The following DST variants were observed in gnomAD, a reference collection of about 807,000 sequenced individuals.
DST encodes dystonin.
DST carries 253 observed loss-of-function variants against 875.2 expected under a neutral mutation model. The observed-to-expected ratio is 0.29, with a 90% CI of 0.26 to 0.32. The LOEUF (loss-of-function observed/expected upper bound fraction) is 0.32, where lower values mean the gene tolerates loss of function less well. DST is among the 10% of genes least tolerant of loss of function. The pLI, the probability that DST is intolerant of heterozygous loss-of-function variation, is 1.00. For missense variants in DST, 8,287 were observed against 9,111.6 expected, an observed-to-expected ratio of 0.91 and a Z score of 3.68; for synonymous variants, 3,124 against 3,197.1, an observed-to-expected ratio of 0.98 and a Z score of 0.77.
intron 2 of DST, among the ~76,000 whole-genome samples, chr6:56,915,243 T>C (rs889172483): frequency 6.6e-6 from 1 of 152,194 alleles, no homozygotes; most frequent in East Asian, 1.9e-4. Flanking sequence ...AAAATATGTA[T>C]ATCTAAGATA....
chr6:56,872,950 A>G (rs1295895962), intron 3 of DST, among the ~76,000 whole-genome samples: 1 of 150,188 alleles, frequency 6.7e-6, no homozygotes, highest in African/African-American at 2.4e-5. Flanking sequence ...CAATGGCTGT[A>G]CTAAACTTAC....
intron 4 of DST, among the ~76,000 whole-genome samples, chr6:56,840,804 C>T (rs573719086): frequency 6.6e-6 from 1 of 152,296 alleles, no homozygotes; most frequent in African/African-American, 2.4e-5. Context: ...TAATTCCTAA[C>T]ATTATAGATT....
intron 3 of DST, among the ~76,000 whole-genome samples, chr6:56,859,830 T>A (rs913302894): frequency 6.6e-6 from 1 of 152,166 alleles, no homozygotes; most frequent in Admixed American, 6.5e-5. Flanking sequence ...TGGAATAGTA[T>A]AAATACATAC....
intron 2 of DST, among the ~76,000 whole-genome samples, chr6:56,951,448 C>A (rs1044790739): frequency 1.3e-5 from 2 of 152,148 alleles, no homozygotes; most frequent in African/African-American, 2.4e-5. Flanking sequence ...ATTCATTATG[C>A]TACACAAATT....
At chr6:56,953,987 C>G (rs1823838675) in intron 1 of DST, among the ~76,000 whole-genome samples, 168 bp from the exon 2 acceptor site, 1 of 152,152 alleles carries the variant, frequency 6.6e-6, no homozygotes, top group Non-Finnish European at 1.5e-5. Flanking sequence ...CCATCGGTCT[C>G]TACGTGATTT....
intron 36 of DST, chr6:56,615,216 T>A (rs1223358904): frequency 1.7e-6 from 2 of 1,182,986 alleles, no homozygotes; most frequent in East Asian, 1.0e-4. Context: ...AATGACACTG[T>A]GAACTTGGAG....
intron 4 of DST, among the ~76,000 whole-genome samples, chr6:56,792,750 A>G (rs2099729812): frequency 6.6e-6 from 1 of 152,098 alleles, no homozygotes; most frequent in Non-Finnish European, 1.5e-5. Flanking sequence ...AATAAGACAA[A>G]CCCAGATTGT....
intron 4 of DST, among the ~76,000 whole-genome samples, chr6:56,755,133 TAA>T (rs61664817): frequency 5.4e-5 from 7 of 129,146 alleles, no homozygotes; most frequent in Non-Finnish European, 6.7e-5. Context: ...ATGAAGAAAA[TAA>T]AAAAAAAAAA....
At chr6:56,726,074 A>G (rs1427102249) in intron 5 of DST, among the ~76,000 whole-genome samples, 1 of 152,188 alleles carries the variant, frequency 6.6e-6, no homozygotes, top group Non-Finnish European at 1.5e-5. Context: ...GAAATACGCA[A>G]TAGCCTTCCC....
chr6:56,614,971 C>G lies in DST; in HGVS notation c.4930-487G>C, dbSNP rs1357710879. On this transcript the variant is annotated intron_variant, in intron 36 of 103. Coordinates refer to ENST00000680361, the MANE Select transcript of DST (RefSeq NM_001374736.1). ...TTAGCTTTCAAGTGCGAAGACTTAA[C>G]TAGAAATGGGACATTGTGGTAAACA... is the stretch of plus-strand genomic sequence containing the variant. The G allele has an allele frequency of 5.0e-6, 5 of 992,948 alleles. No homozygotes were observed. In the African/African-American group the frequency reaches 8.7e-5, roughly 17 times the overall value. The allele number at this position is 992,948 out of a possible 1,614,324, so 61.5% of individuals were successfully genotyped here.
At chr6:56,600,258 G>A (rs781516156) in intron 44 of DST, 37 bp from the exon 45 acceptor site, 1 of 1,589,644 alleles carries the variant, frequency 6.3e-7, no homozygotes, top group East Asian at 2.2e-5. Context: ...TTAAATGTAT[G>A]GTGGTCACAA....
At chr6:56,871,411 A>G in intron 3 of DST, 1 of 1,569,314 alleles carries the variant, frequency 6.4e-7, no homozygotes, top group Non-Finnish European at 8.8e-7. Flanking sequence ...GCCCAGGCCA[A>G]GCAGTGAGGC....
intron 2 of DST, among the ~76,000 whole-genome samples, chr6:56,948,603 G>T (rs186198761): frequency 1.3e-5 from 2 of 152,234 alleles, no homozygotes; most frequent in Admixed American, 1.3e-4. Flanking sequence ...TTGGCCACGG[G>T]TAACTGAAGC....
intron 4 of DST, among the ~76,000 whole-genome samples, chr6:56,743,422 A>G (rs1332509210): frequency 6.6e-6 from 1 of 152,186 alleles, no homozygotes; most frequent in African/African-American, 2.4e-5. Flanking sequence ...CTGTAAATGA[A>G]TAAATTGTAC....
In DST at chr6:56,572,243, T is replaced by C; in HGVS notation, c.13578A>G (p.Glu4526=). The C allele has an allele frequency of 6.4e-7, 1 of 1,566,226 alleles. No individual in the cohort carries two copies. The highest frequency in any genetic ancestry group is 8.7e-7 in the Non-Finnish European group (1 of 1,155,390). Residue 4526 remains glutamate, a synonymous_variant, in exon 53 of 104, where the codon GAA becomes GAG. Transcript: ENST00000680361. ...YMQESTSEFL[E]HKKHLEVLHS... is the part of the protein sequence containing the mutation. ...GCAAAACTTCAAGATGTTTCTTGTGTTCTAAAAATTCAGAAGTTGATTCCT... is the reference window on the plus strand; with the variant it reads ...GCAAAACTTCAAGATGTTTCTTGTGCTCTAAAAATTCAGAAGTTGATTCCT...
intron 4 of DST, among the ~76,000 whole-genome samples, chr6:56,818,847 T>G (rs531669409): frequency 2.0e-4 from 30 of 152,276 alleles, no homozygotes; most frequent in African/African-American, 7.0e-4. Flanking sequence ...CCATAGGAAC[T>G]GGTTTCCTAC....
intron 2 of DST, among the ~76,000 whole-genome samples, chr6:56,917,221 C>A (rs1350987859): frequency 6.6e-6 from 1 of 152,046 alleles, no homozygotes; most frequent in Non-Finnish European, 1.5e-5. Context: ...CATTCTCTCT[C>A]AAAAATCTGC....
intron 61 of DST, among the ~76,000 whole-genome samples, chr6:56,544,713 C>A (rs1319394899): frequency 6.6e-6 from 1 of 152,166 alleles, no homozygotes; most frequent in African/African-American, 2.4e-5. Flanking sequence ...CAAGTATACA[C>A]CACTTATTTA....
At chr6:56,615,119 C>A (rs1388184915) in intron 36 of DST, 4 of 1,041,868 alleles carry the variant, frequency 3.8e-6, no homozygotes, top group Non-Finnish European at 4.6e-6. Flanking sequence ...CTCTTTGATT[C>A]CATGGTGCTT....
Sources: gnomAD v4.1 joint callset for allele counts (sites outside exome capture counted in the v4.1 genomes callset) on GRCh38, gnomAD v4.1.1 for gene constraint, MANE v1.5 for transcripts, NCBI Gene and HGNC (gene_info 2026-07-23, HGNC 2026-07-21) for gene names.